Variants in TIAM2 observed in about 807,000 individuals in gnomAD.
TIAM2 encodes the protein rho guanine nucleotide exchange factor TIAM2.
In TIAM2, 80 loss-of-function variants were observed where a neutral mutation model predicts 152.9. The observed-to-expected ratio is 0.52, with a 90% CI of 0.44 to 0.63. The LOEUF (loss-of-function observed/expected upper bound fraction) is 0.63. TIAM2 is among the 30% of genes least tolerant of loss of function. The pLI, the probability that TIAM2 is intolerant of heterozygous loss-of-function variation, is 0.00. For missense variants in TIAM2, 1,965 were observed against 2,120.1 expected, an observed-to-expected ratio of 0.93 and a Z score of 1.44; for synonymous variants, 804 against 838.0, an observed-to-expected ratio of 0.96 and a Z score of 0.70.
intron 1 of TIAM2, among the ~76,000 whole-genome samples, chr6:155,049,796 C>CT (rs35756298): frequency 1.4e-4 from 21 of 150,886 alleles, no homozygotes; most frequent in South Asian, 2.1e-4. Context: ...ACAAAAGTAT[C>CT]TTTTTTTTTT....
intron 2 of TIAM2, among the ~76,000 whole-genome samples, chr6:155,111,912 C>A (rs1778861097): frequency 6.6e-6 from 1 of 152,108 alleles, no homozygotes; most frequent in African/African-American, 2.4e-5. Context: ...TTTCACTGAC[C>A]TTATCCTCAA....
intron 2 of TIAM2, among the ~76,000 whole-genome samples, chr6:155,110,313 C>CTTTTTTTTT (rs1488922028): frequency 2.2e-5 from 2 of 90,368 alleles, no homozygotes; most frequent in Non-Finnish European, 2.2e-5. Flanking sequence ...TTTCCTCTTT[C>CTTTTTTTTT]TTTTCTTTTT....
chr6:155,103,446 G>A (rs1198990970), intron 2 of TIAM2, among the ~76,000 whole-genome samples: 3 of 152,092 alleles, frequency 2.0e-5, no homozygotes, highest in South Asian at 2.1e-4. Context: ...ATTAGTGGCC[G>A]GGCGCGGTAG....
At chr6:155,076,975 C>G (rs1583179030) in intron 1 of TIAM2, among the ~76,000 whole-genome samples, 1 of 152,202 alleles carries the variant, frequency 6.6e-6, no homozygotes, top group African/African-American at 2.4e-5. Context: ...GGATTACAGG[C>G]ATGAGCCATA....
chr6:155,248,474 C>T (rs1783464122), intron 20 of TIAM2, among the ~76,000 whole-genome samples: 1 of 152,216 alleles, frequency 6.6e-6, no homozygotes, highest in African/African-American at 2.4e-5. Flanking sequence ...AAGTAAATTA[C>T]CTCAGGTCAC....
intron 7 of TIAM2, among the ~76,000 whole-genome samples, chr6:155,154,042 A>C (rs1780042475): frequency 6.6e-6 from 1 of 152,238 alleles, no homozygotes; most frequent in African/African-American, 2.4e-5. Flanking sequence ...TGAAGCCACA[A>C]AGGCAAAGGT....
At chr6:155,031,261 A>G (rs1178085503) in intron 1 of TIAM2, among the ~76,000 whole-genome samples, 2 of 152,180 alleles carry the variant, frequency 1.3e-5, no homozygotes, top group Non-Finnish European at 2.9e-5. Context: ...GCCTCTCTGT[A>G]TATGTTGTGC....
chr6:155,234,534 C>G (rs1782645388), intron 15 of TIAM2, among the ~76,000 whole-genome samples: 1 of 152,204 alleles, frequency 6.6e-6, no homozygotes, highest in Non-Finnish European at 1.5e-5. Flanking sequence ...TTCTGAGTAG[C>G]TGGGACCATA....
chr6:155,012,654 G>A (rs1778509002), intron 1 of TIAM2, among the ~76,000 whole-genome samples: 1 of 152,146 alleles, frequency 6.6e-6, no homozygotes, highest in Admixed American at 6.6e-5. Flanking sequence ...GGGTTCAAGC[G>A]ATTCTCCTGC....
rs558557645 is a variant in TIAM2 at position 155,058,768 on chromosome 6, A to T, written c.-208-31521A>T. ...CTCATGATGATGATCATTACCCACT[A>T]TACTGTGTTTCTCAGCGGTCTCAAT... On this transcript the variant is annotated intron_variant, in intron 1 of 26. Transcript: ENST00000682666. 5.3e-5 allele frequency among the ~76,000 whole-genome samples: 8 copies of T among 152,298 alleles called. No individual in the cohort carries two copies. The East Asian group carries it at 1.3e-3, about 26-fold the overall frequency.
At chr6:155,220,515 G>C (rs933449273) in intron 15 of TIAM2, among the ~76,000 whole-genome samples, 3 of 152,186 alleles carry the variant, frequency 2.0e-5, no homozygotes, top group Non-Finnish European at 4.4e-5. Flanking sequence ...GGAAAGTAAG[G>C]ATGATGGCAC....
chr6:155,035,500 C>T (rs9478610), intron 1 of TIAM2, among the ~76,000 whole-genome samples: 71,562 of 151,940 alleles, frequency 0.47, 17,314 homozygotes, highest in Non-Finnish European at 0.52. Flanking sequence ...GATTAACAGG[C>T]GTGAGACTAC....
intron 2 of TIAM2, among the ~76,000 whole-genome samples, chr6:155,102,767 TTGTGTGTGTGTGTGTGTGTGTG>T (rs56117781): frequency 3.4e-5 from 5 of 145,652 alleles, no homozygotes; most frequent in African/African-American, 1.3e-4. Flanking sequence ...GATTAATTTA[TTGTGTGTGTGTGTGTGTGTGTG>T]TGTGTGTGTG....
chr6:155,217,313 C>T (rs750178779), intron 15 of TIAM2, among the ~76,000 whole-genome samples: 21 of 152,200 alleles, frequency 1.4e-4, no homozygotes, highest in Non-Finnish European at 2.4e-4. Context: ...TTTGGATACC[C>T]GTTCTGTGGC....
intron 1 of TIAM2, among the ~76,000 whole-genome samples, chr6:155,056,769 A>G (rs1485409183): frequency 6.6e-6 from 1 of 152,050 alleles, no homozygotes; most frequent in Non-Finnish European, 1.5e-5. Flanking sequence ...CATTACAATA[A>G]ATGAACCATA....
intron 2 of TIAM2, among the ~76,000 whole-genome samples, chr6:155,118,469 G>A (rs1236641637): frequency 1.6e-5 from 2 of 123,854 alleles, no homozygotes; most frequent in Non-Finnish European, 3.2e-5. Flanking sequence ...GTCTTGCTCT[G>A]TTGCCCAGGA....
chr6:155,255,636 A>ACC (rs1330724220), intron 26 of TIAM2: 1 of 151,296 alleles, frequency 6.6e-6, no homozygotes, highest in Non-Finnish European at 1.5e-5. Context: ...ACACACACAC[A>ACC]CCTATAACAT....
At chr6:155,145,937 A>C (rs1223693149) in intron 6 of TIAM2, among the ~76,000 whole-genome samples, 1 of 152,220 alleles carries the variant, frequency 6.6e-6, no homozygotes, top group Non-Finnish European at 1.5e-5. Flanking sequence ...AAAACCTTCT[A>C]TGATACTTTA....
intron 9 of TIAM2, among the ~76,000 whole-genome samples, chr6:155,173,318 C>T (rs1341515348): frequency 6.6e-6 from 1 of 152,078 alleles, no homozygotes; most frequent in African/African-American, 2.4e-5. Context: ...GTCTTCTCTT[C>T]TATGGTTCAC....
Sources: gnomAD v4.1 joint callset for allele counts (sites outside exome capture counted in the v4.1 genomes callset) on GRCh38, gnomAD v4.1.1 for gene constraint, MANE v1.5 for transcripts, NCBI Gene and HGNC (gene_info 2026-07-23, HGNC 2026-07-21) for gene names.